Variants in SDK1 observed in about 807,000 individuals in gnomAD.
SDK1 encodes the protein sidekick cell adhesion molecule 1, also known as protein sidekick-1.
In SDK1, 157 loss-of-function variants were observed where a neutral mutation model predicts 245.5. The observed-to-expected ratio is 0.64, with a 90% confidence interval of 0.56 to 0.73. The LOEUF is 0.73. Ranked by LOEUF, SDK1 falls within the 30% of genes least tolerant of loss-of-function variation. The pLI is 0.00. For synonymous variants in SDK1, 1,647 were observed against 1,278.5 expected, an observed-to-expected ratio of 1.29 and a Z score of -6.15; for missense variants, 3,583 against 3,002.3, an observed-to-expected ratio of 1.19 and a Z score of -4.52.
intron 1 of SDK1, among the ~76,000 whole-genome samples, chr7:3,574,424 T>G (rs1001004294): frequency 1.3e-5 from 2 of 151,990 alleles, no homozygotes; most frequent in Non-Finnish European, 2.9e-5. Flanking sequence ...CTCACATACC[T>G]CATTTGACCC....
intron 14 of SDK1, among the ~76,000 whole-genome samples, chr7:3,997,292 C>T (rs1265871759): frequency 6.6e-6 from 1 of 152,130 alleles, no homozygotes; most frequent in African/African-American, 2.4e-5. Context: ...TGAAGAGGAG[C>T]TTTATTGAGT....
chr7:3,507,947 T>G (rs1329341804), intron 1 of SDK1, among the ~76,000 whole-genome samples: 4 of 152,222 alleles, frequency 2.6e-5, no homozygotes, highest in Admixed American at 6.5e-5. Flanking sequence ...TAATCTCACT[T>G]GATTCCTGGT....
intron 5 of SDK1, among the ~76,000 whole-genome samples, chr7:3,822,493 G>C (rs995862387): frequency 1.3e-5 from 2 of 152,166 alleles, no homozygotes; most frequent in African/African-American, 2.4e-5. Context: ...TGTGGGGCTA[G>C]GCATGGTAGC....
At chr7:3,454,971 C>G (rs535249213) in intron 1 of SDK1, among the ~76,000 whole-genome samples, 5 of 152,280 alleles carry the variant, frequency 3.3e-5, no homozygotes, top group Admixed American at 1.3e-4. Context: ...TACCGTTTCT[C>G]TGTATCCTTG....
chr7:3,494,239 A>G (rs537322131), intron 1 of SDK1, among the ~76,000 whole-genome samples: 3 of 152,284 alleles, frequency 2.0e-5, no homozygotes, highest in African/African-American at 7.2e-5. Context: ...TTTCTATTTT[A>G]TATATAGTTT....
intron 5 of SDK1, among the ~76,000 whole-genome samples, chr7:3,941,935 G>A (rs11983461): frequency 0.029 from 3,914 of 135,294 alleles, 186 homozygotes; most frequent in African/African-American, 0.11. Context: ...TTGAGACACA[G>A]TCTTGCTCTG....
At chr7:4,095,544 C>CTTTATTTATTTATTTTTAATTTTTA (rs1268043096) in intron 22 of SDK1, among the ~76,000 whole-genome samples, 14 of 151,980 alleles carry the variant, frequency 9.2e-5, no homozygotes, top group African/African-American at 3.4e-4. Context: ...CAAGTTGCTC[C>CTTTATTTATTTATTTTTAATTTTTA]TTTATTTATT....
rs550838120 is a variant in SDK1 at position 3,360,546 on chromosome 7, C to T, written c.298+58662C>T. ...TGGGCCTCAGGTTTATTGATATTTTCGATAGAAATAACTTGAAAATTGCTG... is the reference window on the plus strand; with the variant it reads ...TGGGCCTCAGGTTTATTGATATTTTTGATAGAAATAACTTGAAAATTGCTG... On this transcript the variant is annotated intron_variant, in intron 1 of 44. Coordinates refer to ENST00000404826, the MANE Select transcript of SDK1 (RefSeq NM_152744.4). Among the ~76,000 whole-genome samples the T allele has an allele frequency of 6.6e-5, 10 of 152,144 alleles. No individual in the cohort carries two copies. In the South Asian group the frequency reaches 8.3e-4, roughly 13 times the overall value.
intron 1 of SDK1, among the ~76,000 whole-genome samples, chr7:3,549,805 C>G (rs1779342236): frequency 6.6e-6 from 1 of 152,044 alleles, no homozygotes; most frequent in Admixed American, 6.6e-5. Flanking sequence ...TTGTTGCAGA[C>G]CAGCTAATGT....
intron 4 of SDK1, among the ~76,000 whole-genome samples, chr7:3,751,039 G>A (rs1241105301): frequency 1.3e-5 from 2 of 152,152 alleles, no homozygotes; most frequent in African/African-American, 4.8e-5. Context: ...CCCACCATCA[G>A]CAATACCTTC....
At chr7:4,005,393 A>AGAGTGTGT (rs756210975) in intron 14 of SDK1, among the ~76,000 whole-genome samples, 6 of 129,910 alleles carry the variant, frequency 4.6e-5, no homozygotes, top group African/African-American at 1.8e-4. Flanking sequence ...TTCTTATGTG[A>AGAGTGTGT]GTGTGTGTGT....
At chr7:3,664,513 T>C (rs1033441278) in intron 4 of SDK1, among the ~76,000 whole-genome samples, 1 of 152,088 alleles carries the variant, frequency 6.6e-6, no homozygotes, top group African/African-American at 2.4e-5. Flanking sequence ...CCGAGGTGGG[T>C]GGATCACTTG....
intron 19 of SDK1, among the ~76,000 whole-genome samples, chr7:4,067,216 G>C (rs560326178): frequency 6.6e-6 from 1 of 152,344 alleles, no homozygotes; most frequent in African/African-American, 2.4e-5. Flanking sequence ...GGACGCCAGC[G>C]TTCAAGCGTA....
At chr7:3,489,614 G>A (rs1781807258) in intron 1 of SDK1, among the ~76,000 whole-genome samples, 1 of 152,136 alleles carries the variant, frequency 6.6e-6, no homozygotes, top group South Asian at 2.1e-4. Context: ...TGTAACTCAA[G>A]ATGTGATTAG....
At chr7:3,650,796 A>G (rs1449779465) in intron 4 of SDK1, among the ~76,000 whole-genome samples, 1 of 150,878 alleles carries the variant, frequency 6.6e-6, no homozygotes, top group Non-Finnish European at 1.5e-5. Flanking sequence ...TGTAGACAGA[A>G]TCATGCAGTA....
At chr7:3,744,641 C>T (rs879112323) in intron 4 of SDK1, among the ~76,000 whole-genome samples, 2 of 152,038 alleles carry the variant, frequency 1.3e-5, no homozygotes, top group Admixed American at 1.3e-4. Context: ...GAAACCCCGT[C>T]TCTACTACAA....
intron 32 of SDK1, among the ~76,000 whole-genome samples, chr7:4,162,602 G>A (rs1208964688): frequency 6.6e-6 from 1 of 151,948 alleles, no homozygotes; most frequent in Non-Finnish European, 1.5e-5. Context: ...GTTTCACCAT[G>A]TTGACCAGGC....
intron 1 of SDK1, among the ~76,000 whole-genome samples, chr7:3,309,031 C>T (rs10276190): frequency 0.39 from 59,833 of 151,764 alleles, 12,672 homozygotes; most frequent in South Asian, 0.5. Flanking sequence ...GAATATATTT[C>T]AGTTTTAGAG....
At chr7:3,551,671 A>G (rs943718783) in intron 1 of SDK1, among the ~76,000 whole-genome samples, 3 of 152,036 alleles carry the variant, frequency 2.0e-5, no homozygotes, top group Admixed American at 2.0e-4. Flanking sequence ...ATACAGCAGA[A>G]AACTTGTAAA....
Sources: allele counts gnomAD v4.1 joint callset (sites outside exome capture counted in the v4.1 genomes callset), GRCh38; gene constraint gnomAD v4.1.1; transcripts MANE v1.5; gene names NCBI Gene and HGNC (gene_info 2026-07-23, HGNC 2026-07-21).